SP3: variants seen among roughly 807,000 people sequenced by gnomAD.
The protein encoded by SP3 is Sp3 transcription factor.
Under a neutral mutation model 70.3 loss-of-function variants are expected in SP3, and 10 were observed. The observed-to-expected ratio is 0.14, with a 90% CI of 0.09 to 0.24. SP3 has a LOEUF of 0.24. Ranked by LOEUF, SP3 falls within the 10% of genes least tolerant of loss-of-function variation. The pLI, the probability that SP3 is intolerant of heterozygous loss-of-function variation, is 1.00. For missense variants in SP3, 825 were observed against 914.6 expected (o/e 0.90, Z 1.26); for synonymous variants, 402 against 333.5 (o/e 1.21, Z -2.24).
At chr2:173,960,259 AT>A (rs1444168641) in intron 3 of SP3, among the ~76,000 whole-genome samples, 1 of 152,276 alleles carries the variant, frequency 6.6e-6, no homozygotes. Context: ...CTACATACAA[AT>A]ATACCGGTGG....
intron 5 of SP3, chr2:173,915,555 G>C (rs1428589751): frequency 6.6e-6 from 1 of 152,116 alleles, no homozygotes; most frequent in Non-Finnish European, 1.5e-5. Flanking sequence ...TGCTAAGATA[G>C]AGTGGAAGCT....
chr2:173,965,384 G>A, upstream of SP3: 1 of 584,882 alleles, frequency 1.7e-6, no homozygotes, highest in Non-Finnish European at 3.0e-6. Context: ...AGCCCGCCCG[G>A]AACTCCCGCC....
At chr2:173,922,363 T>C (rs1252349677) in intron 4 of SP3, among the ~76,000 whole-genome samples, 1 of 150,710 alleles carries the variant, frequency 6.6e-6, no homozygotes, top group African/African-American at 2.4e-5. Context: ...AAACTGAAGG[T>C]AGAAAAGATT....
intron 3 of SP3, among the ~76,000 whole-genome samples, chr2:173,957,260 C>T (rs1319862581): frequency 2.0e-5 from 3 of 151,960 alleles, no homozygotes; most frequent in Non-Finnish European, 4.4e-5. Flanking sequence ...CGTGAGTAAA[C>T]CCATGACATA....
intron 3 of SP3, among the ~76,000 whole-genome samples, chr2:173,959,902 T>C (rs931646598): frequency 1.3e-5 from 2 of 152,248 alleles, no homozygotes; most frequent in African/African-American, 4.8e-5. Flanking sequence ...TTTCTCTCAG[T>C]ACCTTTCTTA....
At chr2:173,932,182 T>A (rs577369570) in intron 4 of SP3, among the ~76,000 whole-genome samples, 2 of 152,152 alleles carry the variant, frequency 1.3e-5, no homozygotes, top group Non-Finnish European at 2.9e-5. Flanking sequence ...AGGGTTATTA[T>A]CAATTTGCCT....
chr2:173,918,521 G>C, intron 5 of SP3, 72 bp downstream of exon 5: 1 of 1,382,890 alleles, frequency 7.2e-7, no homozygotes, highest in Non-Finnish European at 9.9e-7. Context: ...AAATGACATA[G>C]CATGCAGTAT....
rs1689538909 is a variant in SP3 at position 173,913,285 on chromosome 2, A to G, written c.1833-19T>C. 2.0e-6 allele frequency: 3 copies of G among 1,530,436 alleles called. No individual in the cohort carries two copies. Among genetic ancestry groups the G allele is most frequent in the Non-Finnish European group, 2.7e-6 (3 of 1,128,048 alleles). The allele number at this position is 1,530,436 out of a possible 1,614,324, so 94.8% of individuals were successfully genotyped here. A position where few individuals can be genotyped will look rare whatever the true frequency, so the allele number is the denominator to read the frequency against. ...GGTACCTCTAAAAAACACACATAGA[A>G]TAATATATACTTATATGAAAATATT... On this transcript the variant is annotated intron_variant, in intron 5 of 6. Transcript: ENST00000310015.
intron 4 of SP3, among the ~76,000 whole-genome samples, chr2:173,953,789 A>C (rs572019517): frequency 2.4e-4 from 36 of 152,032 alleles, no homozygotes; most frequent in Admixed American, 1.6e-3. Flanking sequence ...CAAAACAAAA[A>C]AAAAAACAAC....
In SP3 at chr2:173,965,285, G is replaced by C. The variant is rs1691258699; in HGVS notation, c.-114C>G. 4.0e-6 allele frequency: 5 copies of C among 1,261,746 alleles called. No individual in the cohort carries two copies. Among genetic ancestry groups the C allele is most frequent in the Non-Finnish European group, 5.6e-6 (5 of 898,632 alleles). 78.2% of individuals were successfully genotyped at this position (1,261,746 alleles called of 1,614,324 possible). Reference sequence around the variant, plus strand: ...AGCGGCGGCGGACACGGCCGGAGCGGTCCGGGGATTTTTTTTTCCTATTTT... The same window carrying C: ...AGCGGCGGCGGACACGGCCGGAGCGCTCCGGGGATTTTTTTTTCCTATTTT... On this transcript the variant is annotated 5_prime_UTR_variant, in exon 1 of 7. Coordinates refer to ENST00000310015, the MANE Select transcript of SP3 (RefSeq NM_003111.5).
intron 4 of SP3, among the ~76,000 whole-genome samples, chr2:173,936,726 A>G (rs979026881): frequency 2.0e-5 from 3 of 152,228 alleles, no homozygotes; most frequent in Non-Finnish European, 4.4e-5. Flanking sequence ...AAGCATTTTT[A>G]TAACATTTAA....
In SP3 at chr2:173,908,821, C is replaced by CA. The variant is rs1689395916; in HGVS notation, c.*1119dup. 1 of 149,486 alleles carries CA rather than the reference C, an allele frequency of 6.7e-6. No homozygotes were observed. The highest frequency in any genetic ancestry group is 2.5e-5 in the African/African-American group (1 of 40,494). 9.3% of individuals were successfully genotyped at this position (149,486 alleles called of 1,614,324 possible). A position where few individuals can be genotyped will look rare whatever the true frequency, so the allele number is the denominator to read the frequency against. On this transcript the variant is annotated 3_prime_UTR_variant, in exon 7 of 7. Transcript: ENST00000310015. ...AGCATAATAAAAAACATACGCTTCTCAATTAAATGTACTGGATACATATAA... is the reference window on the plus strand; with the variant it reads ...AGCATAATAAAAAACATACGCTTCTCAAATTAAATGTACTGGATACATATAA...
At chr2:173,948,923 T>C (rs1375588755) in intron 4 of SP3, among the ~76,000 whole-genome samples, 1 of 152,116 alleles carries the variant, frequency 6.6e-6, no homozygotes, top group Admixed American at 6.6e-5. Flanking sequence ...AACTCAGACA[T>C]AACCAAGCTA....
In SP3 at chr2:173,955,426, C is replaced by A. The variant is rs1407975660; in HGVS notation, c.1086G>T (p.Gln362His). The A allele has an allele frequency of 6.2e-7, 1 of 1,613,980 alleles. No homozygotes were observed. The highest frequency in any genetic ancestry group is 1.3e-5 in the African/African-American group (1 of 74,902). The part of the protein sequence containing the change: ...NTNSLTTSSG[Q>H]VHSSDLQGNY... ...TTCCCTGAAGATCTGAAGAATGAAC[C>A]TGCCCACTAGATGTAGTCAAGCTAT... The change falls in exon 4 of 7, where the codon CAG becomes CAT. Residue 362 changes from glutamine to histidine, a missense_variant. Physicochemically the swap from Gln to His is conservative, Grantham distance 24. Transcript: ENST00000310015.
chr2:173,933,673 A>ATATATAT (rs1559098593), intron 4 of SP3, among the ~76,000 whole-genome samples: 120 of 61,604 alleles, frequency 1.9e-3, no homozygotes, highest in African/African-American at 5.6e-3. Flanking sequence ...TATATATATA[A>ATATATAT]AAGTTATAAA....
chr2:173,964,497 CGCCGCT>C lies in SP3; in HGVS notation c.58_63del (p.Ser20_Gly21del), dbSNP rs1558910107. On this transcript the variant is annotated inframe_deletion, in exon 2 of 7. Coordinates refer to ENST00000310015, the MANE Select transcript of SP3 (RefSeq NM_003111.5). ...TGGCCGCCGCCGCCGCCACCGCCGC[CGCCGCT>C]ATCCACGTCCAAGGCAGCCATTTCC... is the stretch of plus-strand genomic sequence containing the variant. The C allele has an allele frequency of 8.6e-6, 6 of 700,390 alleles. No individual in the cohort carries two copies. The highest frequency in any genetic ancestry group is 1.6e-5 in the Non-Finnish European group (6 of 377,084). 43.4% of individuals were successfully genotyped at this position (700,390 alleles called of 1,614,324 possible). A position where few individuals can be genotyped will look rare whatever the true frequency, so the allele number is the denominator to read the frequency against.
intron 4 of SP3, among the ~76,000 whole-genome samples, chr2:173,936,279 A>G (rs796823991): frequency 1.2e-4 from 18 of 152,218 alleles, no homozygotes; most frequent in African/African-American, 4.1e-4. Flanking sequence ...TTGGCCTCCT[A>G]AAGTGCTGGG....
In SP3 at chr2:173,904,218, G is replaced by A. The variant is rs1689251334; in HGVS notation, c.*5723C>T. On this transcript the variant is annotated 3_prime_UTR_variant, in exon 7 of 7. Coordinates refer to ENST00000310015, the MANE Select transcript of SP3 (RefSeq NM_003111.5). The stretch of plus-strand genomic sequence containing the variant: ...GTATGGCCTGGTTCCTCACAGACCA[G>A]GGACCAGGACCAGTCTGTGGCCCAG... Among the ~76,000 whole-genome samples, 1 of 152,090 alleles carries A rather than the reference G, an allele frequency of 6.6e-6. No individual in the cohort carries two copies. The highest frequency in any genetic ancestry group is 6.6e-5 in the Admixed American group (1 of 15,266).
At chr2:173,919,471 G>A (rs1248448085) in intron 4 of SP3, among the ~76,000 whole-genome samples, 2 of 152,252 alleles carry the variant, frequency 1.3e-5, no homozygotes, top group East Asian at 1.9e-4. Context: ...ATAGATGACA[G>A]GAAAACACTT....
Sources: gnomAD v4.1 joint callset for allele counts (sites outside exome capture counted in the v4.1 genomes callset) on GRCh38, gnomAD v4.1.1 for gene constraint, MANE v1.5 for transcripts, NCBI Gene and HGNC (gene_info 2026-07-23, HGNC 2026-07-21) for gene names.